GRM1: variants seen among roughly 807,000 people sequenced by gnomAD.
The protein encoded by GRM1 is glutamate metabotropic receptor 1.
Under a neutral mutation model 90.9 loss-of-function variants are expected in GRM1, and 33 were observed. The ratio of observed to expected loss-of-function variants is 0.36; its 90% CI spans 0.28 to 0.49. GRM1 has a LOEUF of 0.49. Among genes scored for constraint, GRM1 ranks in the 20% least tolerant of loss-of-function variants. The probability of loss-of-function intolerance (pLI) is 0.99; values close to 1 mark genes in which losing one functional copy is unlikely to be tolerated. For missense variants in GRM1, 1,190 were observed against 1,534.3 expected (o/e 0.78, Z 3.75); for synonymous variants, 700 against 613.2 (o/e 1.14, Z -2.09).
chr6:146,285,021 C>A (rs912441007), intron 2 of GRM1, among the ~76,000 whole-genome samples: 1 of 152,182 alleles, frequency 6.6e-6, no homozygotes, highest in Non-Finnish European at 1.5e-5. Context: ...ATGACATTCC[C>A]TTCAGATCAC....
In GRM1 at chr6:146,349,044, C is replaced by CTATTATTATTATTAT. The variant is rs71028388; in HGVS notation, c.1187-3180_1187-3166dup. Among the ~76,000 whole-genome samples, 394 of 141,526 alleles carry CTATTATTATTATTAT rather than the reference C, an allele frequency of 2.8e-3. 2 individuals are homozygous for CTATTATTATTATTAT. The highest frequency in any genetic ancestry group is 5.9e-3 in the East Asian group (27 of 4,610). The allele number at this position is 141,526 out of a possible 152,430, so 92.8% of individuals were successfully genotyped here. ...GTATATAACAAACAAGAAGTGGTAG[C>CTATTATTATTATTAT]TATTATTATTATTATTATTATTATT... On this transcript the variant is annotated intron_variant, in intron 3 of 7. Transcript: ENST00000282753.
chr6:146,296,704 T>C (rs1438833120), intron 2 of GRM1, among the ~76,000 whole-genome samples: 1 of 152,232 alleles, frequency 6.6e-6, no homozygotes, highest in East Asian at 1.9e-4. Flanking sequence ...TTTATAACAA[T>C]ATCTAGACTT....
intron 2 of GRM1, among the ~76,000 whole-genome samples, chr6:146,218,631 A>G (rs1372831689): frequency 6.6e-6 from 1 of 152,192 alleles, no homozygotes; most frequent in Non-Finnish European, 1.5e-5. Context: ...AATCAGAAGA[A>G]TGAACCTTAA....
intron 1 of GRM1, among the ~76,000 whole-genome samples, chr6:146,121,512 C>T (rs1395472906): frequency 1.3e-5 from 2 of 151,948 alleles, no homozygotes; most frequent in Non-Finnish European, 2.9e-5. Context: ...TTCTCTAGTT[C>T]TTTAATTGTG....
intron 1 of GRM1, among the ~76,000 whole-genome samples, chr6:146,142,778 C>T (rs1776933789): frequency 6.6e-6 from 1 of 152,116 alleles, no homozygotes; most frequent in Non-Finnish European, 1.5e-5. Context: ...CTGAGACTTA[C>T]CCTTTCAGGG....
chr6:146,034,144 C>T lies in GRM1; in HGVS notation c.700+3927C>T, dbSNP rs907292326. Among the ~76,000 whole-genome samples, 8 of 151,978 alleles carry T rather than the reference C, an allele frequency of 5.3e-5. No individual in the cohort carries two copies. The East Asian group carries it at 7.7e-4, about 15-fold the overall frequency. On this transcript the variant is annotated intron_variant, in intron 1 of 7. Coordinates refer to ENST00000282753, the MANE Select transcript of GRM1 (RefSeq NM_001278064.2). Reference sequence around the variant, plus strand: ...GTTTCTAATTAGAGTAGGAGTATATCGGAGTTAAATTGAGAGCAGAATTTC... The same window carrying T: ...GTTTCTAATTAGAGTAGGAGTATATTGGAGTTAAATTGAGAGCAGAATTTC...
intron 3 of GRM1, among the ~76,000 whole-genome samples, chr6:146,345,760 C>A (rs1203799519): frequency 2.6e-5 from 4 of 152,174 alleles, no homozygotes; most frequent in African/African-American, 9.7e-5. Flanking sequence ...GAGGAATAGG[C>A]TTGGCAAGGA....
chr6:146,127,617 G>A (rs1227327415), intron 1 of GRM1, among the ~76,000 whole-genome samples: 1 of 152,190 alleles, frequency 6.6e-6, no homozygotes, highest in Non-Finnish European at 1.5e-5. Flanking sequence ...ATTCTTGAGT[G>A]AGACAACTTT....
chr6:146,134,942 A>AAAAC (rs1776561279), intron 1 of GRM1, among the ~76,000 whole-genome samples: 1 of 152,006 alleles, frequency 6.6e-6, no homozygotes, highest in African/African-American at 2.4e-5. Flanking sequence ...AAAACAAAAC[A>AAAAC]AAACAAAACA....
At chr6:146,386,861 T>G in intron 5 of GRM1, 29 bp from the exon 6 acceptor site, 2 of 1,586,722 alleles carry the variant, frequency 1.3e-6, no homozygotes, top group Non-Finnish European at 1.7e-6. Context: ...AAAACTATCT[T>G]TAAAATTCAT....
chr6:146,350,453 C>A (rs183740148), intron 3 of GRM1, among the ~76,000 whole-genome samples: 4 of 139,904 alleles, frequency 2.9e-5, no homozygotes, highest in South Asian at 5.0e-4. Context: ...GGTTATTTTG[C>A]CACTCAATTT....
intron 2 of GRM1, among the ~76,000 whole-genome samples, chr6:146,247,877 AAT>A (rs1781127753): frequency 6.7e-6 from 1 of 148,322 alleles, no homozygotes; most frequent in South Asian, 2.1e-4. Context: ...TATATATTAT[AAT>A]ATGTTACAGT....
chr6:146,046,748 A>G (rs1045665747), intron 1 of GRM1, among the ~76,000 whole-genome samples: 10 of 149,472 alleles, frequency 6.7e-5, no homozygotes, highest in Admixed American at 4.7e-4. Flanking sequence ...ATTTTATTAC[A>G]GTACAGTAAA....
At chr6:146,047,132 G>A (rs901588017) in intron 1 of GRM1, among the ~76,000 whole-genome samples, 10 of 151,958 alleles carry the variant, frequency 6.6e-5, no homozygotes, top group African/African-American at 7.2e-5. Flanking sequence ...TTGGAAAAGC[G>A]GACCCAGATG....
rs1432988257 is a variant in GRM1 at position 146,435,805 on chromosome 6, A to G, written c.*1009A>G. The G allele has an allele frequency of 6.6e-6, 1 of 152,644 alleles. No individual in the cohort carries two copies. The highest frequency in any genetic ancestry group is 1.5e-5 in the Non-Finnish European group (1 of 68,038). 9.5% of individuals were successfully genotyped at this position (152,644 alleles called of 1,614,324 possible). On this transcript the variant is annotated 3_prime_UTR_variant, in exon 8 of 8. Transcript: ENST00000282753. ...GAACAAACCATGTGACAAAATTGTT[A>G]CCTTCCACTTACTGTAGCAAATAAT...
intron 2 of GRM1, among the ~76,000 whole-genome samples, chr6:146,265,300 G>A (rs773603775): frequency 9.9e-5 from 15 of 152,174 alleles, no homozygotes; most frequent in Admixed American, 2.6e-4. Context: ...GAGCATTTTT[G>A]TATATTTGTT....
At chr6:146,064,959 C>CAA (rs1775799292) in intron 1 of GRM1, among the ~76,000 whole-genome samples, 1 of 151,502 alleles carries the variant, frequency 6.6e-6, no homozygotes, top group Non-Finnish European at 1.5e-5. Flanking sequence ...ACTGTTTTAC[C>CAA]TTATTGAAGA....
At chr6:146,176,588 T>C (rs779642912) in intron 2 of GRM1, among the ~76,000 whole-genome samples, 8 of 151,944 alleles carry the variant, frequency 5.3e-5, no homozygotes, top group African/African-American at 1.9e-4. Flanking sequence ...CTTGGCTCTG[T>C]CTCCTGTAGA....
chr6:146,124,484 G>T (rs937838064), intron 1 of GRM1, among the ~76,000 whole-genome samples: 3 of 152,010 alleles, frequency 2.0e-5, no homozygotes, highest in Non-Finnish European at 4.4e-5. Flanking sequence ...TAGAGACAAT[G>T]ATCACTACAA....
Sources: gnomAD v4.1 joint callset for allele counts (sites outside exome capture counted in the v4.1 genomes callset) on GRCh38, gnomAD v4.1.1 for gene constraint, MANE v1.5 for transcripts, NCBI Gene and HGNC (gene_info 2026-07-23, HGNC 2026-07-21) for gene names.